The following PATJ variants were observed in gnomAD, a reference collection of about 807,000 sequenced individuals.
PATJ encodes inaD-like protein.
A neutral mutation model predicts 224.9 loss-of-function variants in PATJ; 190 were observed. The ratio of observed to expected loss-of-function variants is 0.84; its 90% CI spans 0.75 to 0.95. PATJ has a LOEUF of 0.95. Ranked by LOEUF, PATJ falls within the 40% of genes least tolerant of loss-of-function variation. The pLI is 0.00. For synonymous variants in PATJ, 769 were observed against 820.3 expected (o/e 0.94, Z 1.07); for missense variants, 2,121 against 2,270.3 (o/e 0.93, Z 1.34).
chr1:61,757,543 A>G (rs1645719767), intron 1 of PATJ, among the ~76,000 whole-genome samples: 2 of 150,994 alleles, frequency 1.3e-5, no homozygotes, highest in East Asian at 2.0e-4. Context: ...GCACCATCAC[A>G]CCCAGCTAAT....
intron 28 of PATJ, among the ~76,000 whole-genome samples, chr1:61,997,760 C>T (rs1213038461): frequency 6.7e-6 from 1 of 149,786 alleles, no homozygotes; most frequent in African/African-American, 2.5e-5. Context: ...CTATTCTTAT[C>T]TTCTTAGTTT....
rs1488596532 is a variant in PATJ at position 61,769,382 on chromosome 1, A to G, written c.484A>G (p.Ile162Val). The G allele has an allele frequency of 4.3e-6, 7 of 1,614,036 alleles. No homozygotes were observed. Among genetic ancestry groups the G allele is most frequent in the Non-Finnish European group, 5.1e-6 (6 of 1,180,020 alleles). Residue 162 changes from isoleucine (I) to valine (V), a missense_variant, in exon 5 of 44, where the codon ATC (isoleucine) becomes GTC (valine). Ile to Val is a conservative substitution (Grantham distance 29). Coordinates refer to ENST00000642238, the MANE Select transcript of PATJ (RefSeq NM_001350145.3). ...LRSQNLGKVDIFVKDVQPGSV... is the reference protein window; with the variant it reads ...LRSQNLGKVDVFVKDVQPGSV... Reference sequence around the variant, plus strand: ...AAGTCAAAATCTCGGAAAAGTTGATATCTTCGTGAAGGATGTCCAGCCAGG... The same window carrying G: ...AAGTCAAAATCTCGGAAAAGTTGATGTCTTCGTGAAGGATGTCCAGCCAGG...
intron 34 of PATJ, among the ~76,000 whole-genome samples, chr1:62,110,070 A>T (rs1663613743): frequency 6.6e-6 from 1 of 152,198 alleles, no homozygotes; most frequent in Non-Finnish European, 1.5e-5. Context: ...TCAAGTTAAC[A>T]GTTTCCTGGC....
rs1663641815 is a variant in PATJ at position 61,856,244 on chromosome 1, G to A, written c.2322+5G>A. Reference sequence around the variant, plus strand: ...GGCATCTGTAAGCCTTTGGTGGTAAGTGTTGTATTTTGTTAATATAGGAAG... The same window carrying A: ...GGCATCTGTAAGCCTTTGGTGGTAAATGTTGTATTTTGTTAATATAGGAAG... On this transcript the variant is annotated splice_donor_5th_base_variant and intron_variant, in intron 18 of 43. Transcript: ENST00000642238. 1.2e-6 allele frequency: 2 copies of A among 1,610,102 alleles called. No individual in the cohort carries two copies. The highest frequency in any genetic ancestry group is 1.3e-5 in the African/African-American group (1 of 74,862).
At chr1:61,863,027 GTTTTTTT>G (rs35033086) in intron 19 of PATJ, among the ~76,000 whole-genome samples, 4 of 79,996 alleles carry the variant, frequency 5.0e-5, no homozygotes, top group Admixed American at 2.6e-4. Flanking sequence ...ACTGTTTTCA[GTTTTTTT>G]TTTTTTTTTT....
intron 14 of PATJ, among the ~76,000 whole-genome samples, chr1:61,814,519 A>AGTGTGTGTGTGTGT (rs67159092): frequency 0.011 from 1,650 of 143,942 alleles, 11 homozygotes; most frequent in East Asian, 0.028. Context: ...CCTTTTGTTT[A>AGTGTGTGTGTGTGT]GTGTGTGTGT....
chr1:62,001,598 A>G (rs1170090636), intron 28 of PATJ, among the ~76,000 whole-genome samples: 2 of 151,508 alleles, frequency 1.3e-5, no homozygotes, highest in Non-Finnish European at 2.9e-5. Context: ...CTTGTAGTAT[A>G]GTTTGAAATC....
chr1:61,980,471 GTGTGTGTGGTA>G (rs1557983916), intron 27 of PATJ, among the ~76,000 whole-genome samples: 15 of 133,368 alleles, frequency 1.1e-4, no homozygotes, highest in African/African-American at 2.6e-4. Flanking sequence ...GTGTGTGTGT[GTGTGTGTGGTA>G]TGCATTTTCA....
At chr1:62,158,545 C>T (rs1669489989) in intron 43 of PATJ, among the ~76,000 whole-genome samples, 1 of 148,448 alleles carries the variant, frequency 6.7e-6, no homozygotes, top group African/African-American at 2.4e-5. Context: ...CGGTAAAAAA[C>T]TCCGTCTCTA....
chr1:61,987,108 GT>G (rs1322999513), intron 27 of PATJ, among the ~76,000 whole-genome samples: 1 of 151,464 alleles, frequency 6.6e-6, no homozygotes, highest in East Asian at 1.9e-4. Context: ...AAGATCTTGG[GT>G]TTTTTGCTAA....
rs1166324088 is a variant in PATJ at position 62,161,990 on chromosome 1, A to AT, written c.*937dup. The AT allele has an allele frequency of 1.3e-5, 2 of 152,198 alleles. No homozygotes were observed. The highest frequency in any genetic ancestry group is 2.9e-5 in the Non-Finnish European group (2 of 68,038). The allele number at this position is 152,198 out of a possible 1,614,324, so 9.4% of individuals were successfully genotyped here. A position where few individuals can be genotyped will look rare whatever the true frequency, so the allele number is the denominator to read the frequency against. On this transcript the variant is annotated 3_prime_UTR_variant, in exon 44 of 44. Transcript: ENST00000642238. ...TTCATTTCTCTGGATAGATCTTTAT[A>AT]TGCTAGTCATTGGTGATTTTGATGA...
Position 62,108,444 on chromosome 1 carries a change from T to C in PATJ, c.4385T>C (p.Ile1462Thr), listed in dbSNP as rs772819821. ...AGATTTTATTTTTTATAGAATGCTA[T>C]AGTTATCCATGAAGTCTATGAAGAA... is the stretch of plus-strand genomic sequence containing the variant. Reference protein sequence around the residue: ...VGGKDTPLNAIVIHEVYEEGA... With the variant: ...VGGKDTPLNATVIHEVYEEGA... The change falls in exon 34 of 44, where the codon ATA (isoleucine) becomes ACA (threonine). Residue 1462 changes from isoleucine to threonine, a missense_variant. Coordinates refer to ENST00000642238, the MANE Select transcript of PATJ (RefSeq NM_001350145.3). 1.9e-6 allele frequency: 3 copies of C among 1,604,538 alleles called. No homozygotes were observed. The highest frequency in any genetic ancestry group is 1.7e-5 in the Admixed American group (1 of 59,816).
intron 30 of PATJ, among the ~76,000 whole-genome samples, chr1:62,045,064 T>C (rs1236159723): frequency 8.6e-5 from 13 of 151,752 alleles, no homozygotes; most frequent in Admixed American, 8.5e-4. Flanking sequence ...CTAAAAAAAA[T>C]ACAAAAATTA....
At chr1:61,743,434 A>C (rs897055519) in intron 1 of PATJ, among the ~76,000 whole-genome samples, 1 of 152,030 alleles carries the variant, frequency 6.6e-6, no homozygotes, top group African/African-American at 2.4e-5. Flanking sequence ...TGCCTCTGCC[A>C]TTTAGAGGGT....
chr1:62,064,065 C>T (rs1655992861), intron 31 of PATJ, among the ~76,000 whole-genome samples: 1 of 152,152 alleles, frequency 6.6e-6, no homozygotes, highest in African/African-American at 2.4e-5. Flanking sequence ...GAGTGGGCAT[C>T]CTTGTCTTGT....
At chr1:61,969,961 T>C (rs1682721502) in intron 27 of PATJ, among the ~76,000 whole-genome samples, 1 of 152,218 alleles carries the variant, frequency 6.6e-6, no homozygotes, top group South Asian at 2.1e-4. Flanking sequence ...CCCAAAGTGC[T>C]GGGATTACAG....
intron 29 of PATJ, among the ~76,000 whole-genome samples, chr1:62,020,325 C>A (rs1374279815): frequency 6.6e-6 from 1 of 152,186 alleles, no homozygotes; most frequent in African/African-American, 2.4e-5. Context: ...GTGATGGCTG[C>A]TACCACAAGA....
chr1:61,852,295 A>G (rs551576947), intron 17 of PATJ, among the ~76,000 whole-genome samples: 5 of 152,258 alleles, frequency 3.3e-5, no homozygotes, highest in South Asian at 4.2e-4. Context: ...CTCATGTTCT[A>G]TGATTGGTCT....
rs747019787 is a variant in PATJ at position 61,771,464 on chromosome 1, G to A, written c.558G>A (p.Leu186=). 5.6e-6 allele frequency: 9 copies of A among 1,601,086 alleles called. No homozygotes were observed. In the South Asian group the frequency reaches 1.0e-4, roughly 18 times the overall value. Reference sequence around the variant, plus strand: ...GATTAAAGGAAAATGATCAAATATTGGCCATTAATCACACGCCATTGGATC... The same window carrying A: ...GATTAAAGGAAAATGATCAAATATTAGCCATTAATCACACGCCATTGGATC... The part of the protein sequence containing the change: ...DQRLKENDQI[L]AINHTPLDQN... The change falls in exon 6 of 44, where the codon TTG becomes TTA. Residue 186 remains leucine (L), a synonymous_variant. Coordinates refer to ENST00000642238, the MANE Select transcript of PATJ (RefSeq NM_001350145.3).
Sources: allele counts gnomAD v4.1 joint callset (sites outside exome capture counted in the v4.1 genomes callset), GRCh38; gene constraint gnomAD v4.1.1; transcripts MANE v1.5; gene names NCBI Gene and HGNC (gene_info 2026-07-23, HGNC 2026-07-21).